Variants in ACSS1 observed in about 807,000 individuals in gnomAD.
The protein encoded by ACSS1 is acyl-CoA synthetase short chain family member 1.
ACSS1 carries 42 observed loss-of-function variants against 75.3 expected under a neutral mutation model. That is an observed-to-expected ratio of 0.56 (90% CI 0.44 to 0.72). The LOEUF (loss-of-function observed/expected upper bound fraction) is 0.72, where lower values mean the gene tolerates loss of function less well. Ranked by LOEUF, ACSS1 falls within the 30% of genes least tolerant of loss-of-function variation. The pLI is 0.00. For synonymous variants in ACSS1, 380 were observed against 376.8 expected (o/e 1.01, Z -0.10); for missense variants, 782 against 935.7 (o/e 0.84, Z 2.14).
chr20:25,012,774 G>A lies in ACSS1; in HGVS notation c.1707+38C>T, dbSNP rs1221753406. The A allele has an allele frequency of 2.5e-6, 4 of 1,613,514 alleles. No individual in the cohort carries two copies. The South Asian group carries it at 4.4e-5, about 18-fold the overall frequency. The stretch of plus-strand genomic sequence containing the variant: ...TGCAGGTCCACAGGGGCATCATGGA[G>A]GTGTAGGAGTGAAGGAGGAGGCCCA... On this transcript the variant is annotated intron_variant, in intron 11 of 13. Transcript: ENST00000323482.
intron 2 of ACSS1, among the ~76,000 whole-genome samples, chr20:25,037,356 G>A (rs1486191811): frequency 6.6e-6 from 1 of 152,172 alleles, no homozygotes; most frequent in Non-Finnish European, 1.5e-5. Flanking sequence ...CTAGGCTGCT[G>A]TCACCTTGCA....
chr20:25,008,932 G>A (rs77554741), intron 13 of ACSS1, among the ~76,000 whole-genome samples: 74 of 152,162 alleles, frequency 4.9e-4, no homozygotes, highest in African/African-American at 1.8e-3. Context: ...CTGGACAGGT[G>A]AGCTGGCTGA....
At chr20:25,019,203 G>A (rs114134575) in intron 7 of ACSS1, among the ~76,000 whole-genome samples, 2,426 of 152,366 alleles carry the variant, frequency 0.016, 81 homozygotes, top group African/African-American at 0.055. Flanking sequence ...GTGACCACAC[G>A]TCAAGGCAGA....
intron 2 of ACSS1, chr20:25,046,063 C>G (rs891852787): frequency 6.6e-6 from 1 of 152,152 alleles, no homozygotes; most frequent in South Asian, 2.1e-4. Flanking sequence ...GTAGCTGGGA[C>G]TACAGGCGCA....
chr20:25,015,552 C>A (rs1481365652), intron 7 of ACSS1, among the ~76,000 whole-genome samples: 1 of 152,178 alleles, frequency 6.6e-6, no homozygotes, highest in Admixed American at 6.5e-5. Context: ...CTGCCTTGGC[C>A]TCCCAAAGTG....
intron 13 of ACSS1, 35 bp from the exon 14 acceptor site, chr20:25,007,976 TG>T (rs777076530): frequency 6.2e-6 from 10 of 1,607,888 alleles, no homozygotes; most frequent in Non-Finnish European, 8.5e-6. Context: ...AGAGCGTGGA[TG>T]GTGCCCAGCC....
chr20:25,019,719 A>C (rs2088582929), intron 7 of ACSS1, among the ~76,000 whole-genome samples: 1 of 152,212 alleles, frequency 6.6e-6, no homozygotes, highest in South Asian at 2.1e-4. Context: ...TAACTTATTG[A>C]GTGGGTAAGT....
chr20:25,049,876 A>G (rs1254741522), intron 1 of ACSS1, among the ~76,000 whole-genome samples: 1 of 152,056 alleles, frequency 6.6e-6, no homozygotes, highest in Admixed American at 6.5e-5. Flanking sequence ...CCAGTTCTTC[A>G]CCAGGCGGTG....
chr20:25,045,383 G>A (rs1004465532), intron 2 of ACSS1, among the ~76,000 whole-genome samples: 3 of 152,182 alleles, frequency 2.0e-5, no homozygotes, highest in Non-Finnish European at 4.4e-5. Flanking sequence ...CCGTCCCAGG[G>A]CTGCATCTGC....
intron 3 of ACSS1, among the ~76,000 whole-genome samples, chr20:25,030,440 C>T (rs2088801544): frequency 6.6e-6 from 1 of 152,184 alleles, no homozygotes; most frequent in African/African-American, 2.4e-5. Flanking sequence ...CTTATCCCAC[C>T]TCCACACTTC....
chr20:25,023,753 C>A, intron 3 of ACSS1, 112 bp from the exon 4 acceptor site: 3 of 1,086,034 alleles, frequency 2.8e-6, no homozygotes, highest in Non-Finnish European at 3.9e-6. Flanking sequence ...TCAGTCCAAT[C>A]TTGAGTAAAA....
intron 13 of ACSS1, among the ~76,000 whole-genome samples, chr20:25,009,056 C>T (rs897962726): frequency 2.0e-5 from 3 of 152,104 alleles, no homozygotes; most frequent in Non-Finnish European, 4.4e-5. Flanking sequence ...CCTGCCTAGG[C>T]GACCTCCTGG....
At position 25,021,258 on chromosome 20, in the gene ACSS1, A is replaced by G. The variant is rs538301663; in HGVS notation, c.1108+131T>C. On this transcript the variant is annotated intron_variant, in intron 6 of 13. Coordinates refer to ENST00000323482, the MANE Select transcript of ACSS1 (RefSeq NM_032501.4). The stretch of plus-strand genomic sequence containing the variant: ...TGGCCCCACCGGGCATTTCGACAGC[A>G]GGACCTGGAGAGCCACACCCTCACC... 36 of 1,234,342 alleles carry G rather than the reference A, an allele frequency of 2.9e-5. No individual in the cohort carries two copies. In the South Asian group the frequency reaches 5.2e-4, roughly 18 times the overall value. The allele number at this position is 1,234,342 out of a possible 1,614,324, so 76.5% of individuals were successfully genotyped here. A position where few individuals can be genotyped will look rare whatever the true frequency, so the allele number is the denominator to read the frequency against.
intron 12 of ACSS1, 138 bp downstream of exon 12, chr20:25,012,463 T>G: frequency 9.2e-7 from 1 of 1,090,912 alleles, no homozygotes; most frequent in Non-Finnish European, 1.4e-6. Flanking sequence ...AGTTTCCACT[T>G]GAGAGAGAAG....
chr20:25,022,719 A>C (rs1370697070), intron 5 of ACSS1, among the ~76,000 whole-genome samples: 1 of 152,256 alleles, frequency 6.6e-6, no homozygotes. Flanking sequence ...ACATGATCAG[A>C]TTATCTGGGA....
chr20:25,022,802 G>C (rs1326387373), intron 5 of ACSS1, 138 bp downstream of exon 5: 1 of 1,241,546 alleles, frequency 8.1e-7, no homozygotes, highest in Non-Finnish European at 1.1e-6. Flanking sequence ...GGACTCGAGG[G>C]GGCCCTGCCC....
rs1486378502 is a variant in ACSS1, at chr20:25,006,864, T to G, written c.*898A>C. The G allele has an allele frequency of 6.5e-7, 1 of 1,535,488 alleles. No homozygotes were observed. Among genetic ancestry groups the G allele is most frequent in the East Asian group, 2.4e-5 (1 of 40,922 alleles). ...CAGGATTTGGCTCTGACCAAGTTAG[T>G]GCTCTAACAAGTCACCTGAGTTTCT... On this transcript the variant is annotated 3_prime_UTR_variant, in exon 14 of 14. Coordinates refer to ENST00000323482, the MANE Select transcript of ACSS1 (RefSeq NM_032501.4).
chr20:25,020,256 T>C (rs2088597571), intron 6 of ACSS1, 109 bp from the exon 7 acceptor site: 6 of 1,466,434 alleles, frequency 4.1e-6, no homozygotes, highest in South Asian at 2.4e-5. Flanking sequence ...GACGCGCATA[T>C]GTCCATATGA....
At chr20:25,030,083 C>T (rs921821489) in intron 3 of ACSS1, among the ~76,000 whole-genome samples, 1 of 152,180 alleles carries the variant, frequency 6.6e-6, no homozygotes, top group Admixed American at 6.5e-5. Flanking sequence ...AGTCTGAGAA[C>T]TCTACCCATT....
Sources: allele counts gnomAD v4.1 joint callset (sites outside exome capture counted in the v4.1 genomes callset), GRCh38; gene constraint gnomAD v4.1.1; transcripts MANE v1.5; gene names NCBI Gene and HGNC (gene_info 2026-07-23, HGNC 2026-07-21).